Variants in GALNT2 observed in about 807,000 individuals in gnomAD.
GALNT2 encodes UDP-GalNAc:polypeptide N-acetylgalactosaminyltransferase 2.
A neutral mutation model predicts 81.4 loss-of-function variants in GALNT2; 31 were observed. That is an observed-to-expected ratio of 0.38 (90% confidence interval 0.29 to 0.51). The LOEUF is 0.51. Among genes scored for constraint, GALNT2 ranks in the 20% least tolerant of loss-of-function variants. The probability of loss-of-function intolerance (pLI) is 0.87; values close to 1 mark genes in which losing one functional copy is unlikely to be tolerated. For synonymous variants in GALNT2, 303 were observed against 287.4 expected, an observed-to-expected ratio of 1.05 and a Z score of -0.55; for missense variants, 629 against 765.7, an observed-to-expected ratio of 0.82 and a Z score of 2.11.
intron 1 of GALNT2, among the ~76,000 whole-genome samples, chr1:230,149,528 G>A (rs1482086983): frequency 6.6e-6 from 1 of 152,190 alleles, no homozygotes; most frequent in Non-Finnish European, 1.5e-5. Flanking sequence ...ATTCTAGGAT[G>A]AGCCACTGTA....
At chr1:230,241,000 T>A (rs1245866712) in intron 6 of GALNT2, among the ~76,000 whole-genome samples, 1 of 152,234 alleles carries the variant, frequency 6.6e-6, no homozygotes, top group Non-Finnish European at 1.5e-5. Context: ...GACCAGTCAG[T>A]GGATTTTTCA....
In GALNT2 at chr1:230,275,080, A is replaced by G. The variant is rs1037315265; in HGVS notation, c.1560+516A>G. Reference sequence around the variant, plus strand: ...CACATATATACGTATATATATACACACCACATATATATACATGTATACACA... The same window carrying G: ...CACATATATACGTATATATATACACGCCACATATATATACATGTATACACA... On this transcript the variant is annotated intron_variant, in intron 15 of 15. Transcript: ENST00000366672. The surrounding 1 kb of genome is among the most constrained non-coding windows in gnomAD (Gnocchi z 5.5). Among the ~76,000 whole-genome samples the G allele has an allele frequency of 5.4e-5, 8 of 148,602 alleles. No individual in the cohort carries two copies. The highest frequency in any genetic ancestry group is 6.0e-5 in the Non-Finnish European group (4 of 66,350).
intron 1 of GALNT2, among the ~76,000 whole-genome samples, chr1:230,061,474 A>G (rs1035989215): frequency 6.6e-6 from 1 of 152,236 alleles, no homozygotes; most frequent in African/African-American, 2.4e-5. Flanking sequence ...GGCTGAGAGC[A>G]CATAGCTGGC....
chr1:230,217,554 C>T (rs1268397224), intron 3 of GALNT2, among the ~76,000 whole-genome samples: 8 of 152,180 alleles, frequency 5.3e-5, no homozygotes, highest in Non-Finnish European at 1.2e-4. Flanking sequence ...TGTCATAGTC[C>T]GTTTTGTGCT....
At chr1:230,141,887 GC>G (rs1366195982) in intron 1 of GALNT2, among the ~76,000 whole-genome samples, 2 of 147,000 alleles carry the variant, frequency 1.4e-5, no homozygotes, top group Non-Finnish European at 3.0e-5. Flanking sequence ...AAACGCCTGG[GC>G]TTATTTTCCC....
chr1:230,197,287 A>G (rs926044964), intron 2 of GALNT2, among the ~76,000 whole-genome samples: 1 of 152,154 alleles, frequency 6.6e-6, no homozygotes, highest in African/African-American at 2.4e-5. Flanking sequence ...TCACAGCGCT[A>G]TGGGGAGGGC....
intron 1 of GALNT2, among the ~76,000 whole-genome samples, chr1:230,120,571 G>A (rs1660986166): frequency 6.6e-6 from 1 of 152,118 alleles, no homozygotes; most frequent in Admixed American, 6.5e-5. Context: ...TGTGCCAGCT[G>A]GACACGAAGC....
rs1665248108 is a variant in GALNT2 at position 230,243,076 on chromosome 1, T to A, written c.608-230T>A. On this transcript the variant is annotated intron_variant, in intron 6 of 15. Coordinates refer to ENST00000366672, the MANE Select transcript of GALNT2 (RefSeq NM_004481.5). The surrounding 1 kb of genome is among the most constrained non-coding windows in gnomAD (Gnocchi z 4.2). ...AGGGCCTTTCTCAGAAGACGGTAGT[T>A]CTAAGAACGTTGTCCTCCCAGTCAT... Among the ~76,000 whole-genome samples, 1 of 152,184 alleles carries A rather than the reference T, an allele frequency of 6.6e-6. No individual in the cohort carries two copies. The highest frequency in any genetic ancestry group is 1.5e-5 in the Non-Finnish European group (1 of 68,036).
chr1:230,224,110 C>G (rs907999838), intron 3 of GALNT2, among the ~76,000 whole-genome samples: 4 of 152,172 alleles, frequency 2.6e-5, no homozygotes, highest in African/African-American at 9.7e-5. Flanking sequence ...AGCTTGGAAA[C>G]CAGAACTCAC....
chr1:230,276,037 G>GTATATACATGCCACATATATATACGTA (rs1558174657), intron 15 of GALNT2, among the ~76,000 whole-genome samples: 5 of 44,198 alleles, frequency 1.1e-4, no homozygotes, highest in Admixed American at 8.5e-4. Context: ...ATATATATAC[G>GTATATACATGCCACATATATATACGTA]TATATACATG....
At chr1:230,125,403 G>A (rs961124237) in intron 1 of GALNT2, among the ~76,000 whole-genome samples, 7 of 152,216 alleles carry the variant, frequency 4.6e-5, no homozygotes, top group African/African-American at 1.7e-4. Context: ...CAGGAGTGTA[G>A]CGAGGCCTGG....
At chr1:230,218,168 G>A (rs1664444098) in intron 3 of GALNT2, among the ~76,000 whole-genome samples, 1 of 152,220 alleles carries the variant, frequency 6.6e-6, no homozygotes, top group African/African-American at 2.4e-5. Flanking sequence ...GTGGTGAGAG[G>A]TGGTTGGATT....
chr1:230,169,836 A>T (rs1662736177), intron 1 of GALNT2, among the ~76,000 whole-genome samples: 1 of 152,206 alleles, frequency 6.6e-6, no homozygotes, highest in East Asian at 1.9e-4. Flanking sequence ...GCAGTTTGTG[A>T]CTTTGAATCC....
intron 2 of GALNT2, among the ~76,000 whole-genome samples, chr1:230,182,371 A>T (rs1354724981): frequency 6.6e-6 from 1 of 152,088 alleles, no homozygotes; most frequent in East Asian, 1.9e-4. Flanking sequence ...CAGTACTATA[A>T]ATTTCTTTGG....
intron 1 of GALNT2, among the ~76,000 whole-genome samples, chr1:230,059,665 T>C (rs1426963201): frequency 6.6e-6 from 1 of 152,200 alleles, no homozygotes; most frequent in African/African-American, 2.4e-5. Flanking sequence ...CCATATTGCA[T>C]GTAAAACCAC....
chr1:230,139,244 G>T (rs1337742071), intron 1 of GALNT2, among the ~76,000 whole-genome samples: 1 of 152,198 alleles, frequency 6.6e-6, no homozygotes, highest in South Asian at 2.1e-4. Flanking sequence ...TTTAAATGAA[G>T]ACATTTAGAT....
chr1:230,121,899 G>A (rs1357813129), intron 1 of GALNT2, among the ~76,000 whole-genome samples: 1 of 146,956 alleles, frequency 6.8e-6, no homozygotes, highest in Non-Finnish European at 1.5e-5. Context: ...TTTATTTTTT[G>A]ATATATAAAT....
intron 11 of GALNT2, 198 bp from the exon 12 acceptor site, chr1:230,262,375 G>T: frequency 3.6e-6 from 2 of 552,448 alleles, no homozygotes; most frequent in Non-Finnish European, 6.4e-6. Context: ...GTAAGCACCC[G>T]CTGAGGCTGG....
chr1:230,173,340 C>G (rs1558123591), intron 1 of GALNT2, among the ~76,000 whole-genome samples: 1 of 152,182 alleles, frequency 6.6e-6, no homozygotes. Flanking sequence ...GCAGGGCATC[C>G]TAGACCTCTG....
Sources: allele counts gnomAD v4.1 joint callset (sites outside exome capture counted in the v4.1 genomes callset), GRCh38; gene constraint gnomAD v4.1.1; non-coding constraint Gnocchi (gnomAD v3.1); transcripts MANE v1.5; gene names NCBI Gene and HGNC (gene_info 2026-07-23, HGNC 2026-07-21).